The following PTPRD variants were observed in gnomAD, a reference collection of about 807,000 sequenced individuals.
The protein encoded by PTPRD is protein tyrosine phosphatase receptor type D.
Under a neutral mutation model 214.5 loss-of-function variants are expected in PTPRD, and 34 were observed. The observed-to-expected ratio is 0.16, with a 90% CI of 0.12 to 0.21. The LOEUF is 0.21. PTPRD is among the 10% of genes least tolerant of loss of function. The pLI is 1.00. For synonymous variants in PTPRD, 1,128 were observed against 845.7 expected, an observed-to-expected ratio of 1.33 and a Z score of -5.79; for missense variants, 2,545 against 2,398.7, an observed-to-expected ratio of 1.06 and a Z score of -1.27.
intron 44 of PTPRD, among the ~76,000 whole-genome samples, chr9:8,321,690 CCT>C (rs1828398363): frequency 1.3e-5 from 2 of 151,204 alleles, no homozygotes; most frequent in Admixed American, 1.3e-4. Context: ...ATACTCTTTT[CCT>C]TAGAGATTAT....
At chr9:9,355,852 T>A (rs2053558281) in intron 9 of PTPRD, among the ~76,000 whole-genome samples, 1 of 151,146 alleles carries the variant, frequency 6.6e-6, no homozygotes, top group African/African-American at 2.4e-5. Flanking sequence ...AAAGGAAACA[T>A]GAAAAGAGAA....
In PTPRD at chr9:8,320,074, T is replaced by C. The variant is rs754089035; in HGVS notation, c.5535-108A>G. 1.4e-4 allele frequency: 192 copies of C among 1,336,600 alleles called. 1 individual carries two copies. Among genetic ancestry groups the C allele is most frequent in the Non-Finnish European group, 1.9e-4 (190 of 996,990 alleles). The allele number at this position is 1,336,600 out of a possible 1,614,324, so 82.8% of individuals were successfully genotyped here. On this transcript the variant is annotated intron_variant, in intron 44 of 45. Transcript: ENST00000381196. ...CCAGCTTCCACACTCCGTATCTCTT[T>C]ATAGCCATATTCAGGAAAACATGGT...
At chr9:10,017,562 GT>G (rs2096747454) in intron 4 of PTPRD, among the ~76,000 whole-genome samples, 1 of 151,994 alleles carries the variant, frequency 6.6e-6, no homozygotes, top group Non-Finnish European at 1.5e-5. Flanking sequence ...TGGAAGCCTT[GT>G]TTTCAGGTTT....
intron 3 of PTPRD, among the ~76,000 whole-genome samples, chr9:10,168,003 C>T (rs1490713283): frequency 6.6e-6 from 1 of 152,100 alleles, no homozygotes; most frequent in Admixed American, 6.6e-5. Flanking sequence ...ACCTCAGTGA[C>T]CATTATCCTT....
intron 11 of PTPRD, among the ~76,000 whole-genome samples, chr9:8,804,665 G>A (rs1566197447): frequency 6.7e-6 from 1 of 150,224 alleles, no homozygotes; most frequent in Non-Finnish European, 1.5e-5. Context: ...CCTAACTGGA[G>A]AAACGTGTGG....
intron 10 of PTPRD, among the ~76,000 whole-genome samples, chr9:9,033,799 T>C (rs988519170): frequency 6.6e-6 from 1 of 152,080 alleles, no homozygotes; most frequent in African/African-American, 2.4e-5. Context: ...CCATGACTTT[T>C]TGCTGTTGGG....
intron 36 of PTPRD, among the ~76,000 whole-genome samples, chr9:8,400,907 A>G (rs2092287167): frequency 6.6e-6 from 1 of 152,200 alleles, no homozygotes. Flanking sequence ...CAGAAATGAA[A>G]GAGATTACCA....
chr9:9,464,077 C>T (rs2093919839), intron 8 of PTPRD, among the ~76,000 whole-genome samples: 1 of 152,090 alleles, frequency 6.6e-6, no homozygotes, highest in Non-Finnish European at 1.5e-5. Flanking sequence ...AATTTTAGTT[C>T]GTTGAAGAGA....
At chr9:9,311,589 G>T (rs989101556) in intron 9 of PTPRD, among the ~76,000 whole-genome samples, 5 of 152,122 alleles carry the variant, frequency 3.3e-5, no homozygotes, top group Non-Finnish European at 7.4e-5. Flanking sequence ...TGCTTAAGGA[G>T]AATTTAGAAG....
intron 11 of PTPRD, among the ~76,000 whole-genome samples, chr9:8,954,551 G>A (rs2099121218): frequency 6.6e-6 from 1 of 151,246 alleles, no homozygotes; most frequent in Admixed American, 6.6e-5. Flanking sequence ...AAAAGGCATA[G>A]TACAATAATG....
At chr9:8,349,766 G>A (rs919647195) in intron 39 of PTPRD, among the ~76,000 whole-genome samples, 4 of 152,086 alleles carry the variant, frequency 2.6e-5, no homozygotes, top group African/African-American at 4.8e-5. Context: ...AAAAGAGAAC[G>A]GCAAGTTTAA....
At chr9:8,823,410 GA>G (rs2097111447) in intron 11 of PTPRD, among the ~76,000 whole-genome samples, 1 of 152,132 alleles carries the variant, frequency 6.6e-6, no homozygotes, top group African/African-American at 2.4e-5. Context: ...ATGCTTCATG[GA>G]AACCTTAAAC....
At chr9:9,529,122 T>C (rs953642972) in intron 8 of PTPRD, among the ~76,000 whole-genome samples, 29 of 151,596 alleles carry the variant, frequency 1.9e-4, no homozygotes, top group Admixed American at 3.9e-4. Flanking sequence ...TTGATAGAGA[T>C]GGGGTTTCAC....
At chr9:8,822,943 T>C (rs1301617656) in intron 11 of PTPRD, among the ~76,000 whole-genome samples, 1 of 152,136 alleles carries the variant, frequency 6.6e-6, no homozygotes, top group Admixed American at 6.5e-5. Context: ...CAGCCCACAC[T>C]GGAATCTTTC....
intron 3 of PTPRD, among the ~76,000 whole-genome samples, chr9:10,295,861 G>A (rs1295603594): frequency 6.6e-6 from 1 of 152,012 alleles, no homozygotes; most frequent in Non-Finnish European, 1.5e-5. Context: ...AATTGTGTGT[G>A]GGGCTTTCTG....
intron 11 of PTPRD, among the ~76,000 whole-genome samples, chr9:8,779,137 G>A (rs961010751): frequency 1.3e-5 from 2 of 152,196 alleles, no homozygotes; most frequent in South Asian, 2.1e-4. Flanking sequence ...CTGATGGAAA[G>A]ACAGTATACC....
At chr9:8,522,829 C>T (rs2097917679) in intron 19 of PTPRD, among the ~76,000 whole-genome samples, 1 of 152,142 alleles carries the variant, frequency 6.6e-6, no homozygotes, top group Admixed American at 6.5e-5. Flanking sequence ...ACCTTAAATA[C>T]ATTTAATAAA....
chr9:8,784,268 G>C (rs187972484), intron 11 of PTPRD, among the ~76,000 whole-genome samples: 4 of 152,194 alleles, frequency 2.6e-5, no homozygotes, highest in African/African-American at 4.8e-5. Context: ...TTTTTAACTG[G>C]GTAATGACTC....
intron 11 of PTPRD, among the ~76,000 whole-genome samples, chr9:8,781,198 T>C (rs1345521960): frequency 6.6e-6 from 1 of 152,176 alleles, no homozygotes; most frequent in African/African-American, 2.4e-5. Flanking sequence ...AGAAAGAGAA[T>C]TTATCATCGG....
Sources: allele counts gnomAD v4.1 joint callset (sites outside exome capture counted in the v4.1 genomes callset), GRCh38; gene constraint gnomAD v4.1.1; transcripts MANE v1.5; gene names NCBI Gene and HGNC (gene_info 2026-07-23, HGNC 2026-07-21).